Variants in MED13 observed in about 807,000 individuals in gnomAD.
MED13 encodes the protein mediator complex subunit 13.
In MED13, 23 loss-of-function variants were observed where a neutral mutation model predicts 225.2. The observed-to-expected ratio is 0.10, with a 90% confidence interval of 0.07 to 0.14. MED13 has a LOEUF of 0.14. MED13 is among the 10% of genes least tolerant of loss of function. The pLI is 1.00. For synonymous variants in MED13, 942 were observed against 889.2 expected, an observed-to-expected ratio of 1.06 and a Z score of -1.06; for missense variants, 2,197 against 2,594.5, an observed-to-expected ratio of 0.85 and a Z score of 3.33.
chr17:61,988,379 A>G (rs2143486716), intron 11 of MED13, among the ~76,000 whole-genome samples: 1 of 152,336 alleles, frequency 6.6e-6, no homozygotes, highest in South Asian at 2.1e-4. Context: ...ATATTCCTGC[A>G]CAAGAAAAAC....
intron 3 of MED13, among the ~76,000 whole-genome samples, chr17:62,049,078 C>CAAAAAAAAAAAAAAAAAAAAAAAAAA (rs890393330): frequency 3.5e-4 from 16 of 45,304 alleles, no homozygotes; most frequent in African/African-American, 9.6e-4. Flanking sequence ...GTAAATAAGA[C>CAAAAAAAAAAAAAAAAAAAAAAAAAA]AAAAAAAAAA....
chr17:62,048,398 CAAAAAAAAAAA>C (rs555420453), intron 3 of MED13, among the ~76,000 whole-genome samples: 27 of 68,090 alleles, frequency 4.0e-4, no homozygotes, highest in Admixed American at 1.5e-3. Flanking sequence ...GAGACTGTTT[CAAAAAAAAAAA>C]AAAAAAAAAA....
chr17:61,985,585 T>C (rs948753774), intron 12 of MED13, among the ~76,000 whole-genome samples: 1 of 152,100 alleles, frequency 6.6e-6, no homozygotes, highest in African/African-American at 2.4e-5. Flanking sequence ...GCACAAGAAT[T>C]GCTTGAGCCT....
At chr17:61,980,143 C>T (rs1320599677) in intron 16 of MED13, among the ~76,000 whole-genome samples, 1 of 152,088 alleles carries the variant, frequency 6.6e-6, no homozygotes, top group Non-Finnish European at 1.5e-5. Flanking sequence ...GGGCCGAGAT[C>T]ACGCCACTGC....
chr17:62,004,033 T>C (rs1603400607), intron 9 of MED13: 2 of 152,192 alleles, frequency 1.3e-5, no homozygotes, highest in East Asian at 3.8e-4. Context: ...ATGAATACAA[T>C]GTGCCCACAA....
rs61326861 is a variant in MED13 at position 61,955,855 on chromosome 17, TA to T, written c.5624-18del. 145,029 of 806,982 alleles carry T rather than the reference TA, an allele frequency of 0.18. 36 individuals are homozygous for T. Among genetic ancestry groups the T allele is most frequent in the Non-Finnish European group, 0.18 (127,286 of 690,132 alleles). 50.0% of individuals were successfully genotyped at this position (806,982 alleles called of 1,614,324 possible). A position where few individuals can be genotyped will look rare whatever the true frequency, so the allele number is the denominator to read the frequency against. The stretch of plus-strand genomic sequence containing the variant: ...AGCTCCAATCTGTGGGTATCAACAG[TA>T]AAAAAAAAAAAAAAAAAAAAAAAAA... On this transcript the variant is annotated intron_variant, in intron 24 of 29. Transcript: ENST00000397786.
At position 61,944,432 on chromosome 17, in the gene MED13, A is replaced by G. The variant is rs2079837855; in HGVS notation, c.*2036T>C. The G allele has an allele frequency of 6.6e-6, 1 of 150,822 alleles. No individual in the cohort carries two copies. The highest frequency in any genetic ancestry group is 6.6e-5 in the Admixed American group (1 of 15,096). The allele number at this position is 150,822 out of a possible 1,614,324, so 9.3% of individuals were successfully genotyped here. The stretch of plus-strand genomic sequence containing the variant: ...AACATACCAACATAATGTGTGGTGT[A>G]TTAGCATAATTTAAAAACAAATGCA... On this transcript the variant is annotated 3_prime_UTR_variant, in exon 30 of 30. Transcript: ENST00000397786.
At position 61,966,648 on chromosome 17, in the gene MED13, A is replaced by G; in HGVS notation, c.4195T>C (p.Cys1399Arg). The G allele has an allele frequency of 6.3e-7, 1 of 1,589,096 alleles. No homozygotes were observed. Among genetic ancestry groups the G allele is most frequent in the Non-Finnish European group, 8.5e-7 (1 of 1,170,288 alleles). ...FRDLTAIYES[C>R]RLGQHRPVSR... is the part of the protein sequence containing the mutation. ...ACAGGTCTATGTTGACCTAATCGAC[A>G]GGACTACAAATATACATACAGAAAG... Residue 1399 changes from cysteine to arginine, a missense_variant, in exon 19 of 30, where the codon TGT (cysteine) becomes CGT (arginine). Physicochemically the swap from Cys to Arg is radical, Grantham distance 180 (BLOSUM62 -3). Coordinates refer to ENST00000397786, the MANE Select transcript of MED13 (RefSeq NM_005121.3).
chr17:61,984,696 A>ACCG lies in MED13; in HGVS notation c.2645_2646insCGG (p.Ile882_Glu883insGly). The ACCG allele has an allele frequency of 6.2e-7, 1 of 1,613,774 alleles. No homozygotes were observed. The highest frequency in any genetic ancestry group is 8.5e-7 in the Non-Finnish European group (1 of 1,179,848). ...GGCTACAGAATCCCTCATCAACCTC[A>ACCG]ATTTTGAACTGCGCTCCTATACTAG... On this transcript the variant is annotated inframe_insertion, in exon 14 of 30. Coordinates refer to ENST00000397786, the MANE Select transcript of MED13 (RefSeq NM_005121.3).
At chr17:62,038,145 A>T (rs2080821819) in intron 3 of MED13, among the ~76,000 whole-genome samples, 1 of 152,092 alleles carries the variant, frequency 6.6e-6, no homozygotes, top group Non-Finnish European at 1.5e-5. Flanking sequence ...CTGTTATCTC[A>T]GCACTTGGGA....
chr17:61,981,556 CA>C (rs1171974332), intron 16 of MED13, among the ~76,000 whole-genome samples: 1 of 152,160 alleles, frequency 6.6e-6, no homozygotes, highest in African/African-American at 2.4e-5. Context: ...CATGTAAAAG[CA>C]AAATACTCCC....
At chr17:62,014,438 T>G (rs1400689809) in intron 8 of MED13, among the ~76,000 whole-genome samples, 4 of 151,980 alleles carry the variant, frequency 2.6e-5, no homozygotes, top group African/African-American at 9.7e-5. Context: ...CACCTCAGCC[T>G]CCCAAGTAGC....
intron 8 of MED13, among the ~76,000 whole-genome samples, chr17:62,012,080 G>T (rs1415715118): frequency 1.3e-5 from 2 of 151,618 alleles, no homozygotes; most frequent in African/African-American, 2.4e-5. Context: ...GCCAGGTGTG[G>T]TGGCACGCGC....
chr17:61,958,484 G>A (rs937938210), intron 23 of MED13, among the ~76,000 whole-genome samples: 4 of 151,844 alleles, frequency 2.6e-5, no homozygotes, highest in East Asian at 1.9e-4. Flanking sequence ...GACTACAGGC[G>A]TGTACGACCA....
intron 2 of MED13, 40 bp from the exon 3 acceptor site, chr17:62,052,745 ATAATC>A (rs772103342): frequency 3.8e-5 from 56 of 1,477,456 alleles, no homozygotes; most frequent in Non-Finnish European, 5.0e-5. Context: ...TAGTGACACT[ATAATC>A]TATTCAGAGC....
At chr17:61,955,879 AAATC>A in intron 24 of MED13, 41 bp from the exon 25 acceptor site, 1 of 1,470,478 alleles carries the variant, frequency 6.8e-7, no homozygotes, top group Non-Finnish European at 9.0e-7. Flanking sequence ...AAAAAAAAAA[AAATC>A]AAAGTAACAG....
chr17:61,956,264 A>G (rs2143313999), intron 24 of MED13, 75 bp downstream of exon 24: 1 of 1,410,362 alleles, frequency 7.1e-7, no homozygotes, highest in South Asian at 1.4e-5. Flanking sequence ...CAACATATAT[A>G]CCTAGACGTG....
chr17:61,985,040 C>A lies in MED13; in HGVS notation c.2436G>T (p.Lys812Asn). 6.2e-7 allele frequency: 1 copy of A among 1,613,954 alleles called. No individual in the cohort carries two copies. The highest frequency in any genetic ancestry group is 8.5e-7 in the Non-Finnish European group (1 of 1,179,960). Residue 812 changes from lysine to asparagine, a missense_variant, in exon 13 of 30, where the codon AAG (lysine) becomes AAT (asparagine). Lys to Asn is a moderately conservative substitution (Grantham distance 94, BLOSUM62 0). Around this residue, in one of 12 missense-constraint regions of MED13, gnomAD observed 41 missense variants for 55.8 expected, o/e 0.73. Transcript: ENST00000397786. Reference protein sequence around the residue: ...ANGSDDKASCKESKTGNLDPL... With the variant: ...ANGSDDKASCNESKTGNLDPL... ...GGTCCAGATTTCCTGTCTTTGATTCCTTGCAGCTGGCTTTATCATCTGATC... is the reference window on the plus strand; with the variant it reads ...GGTCCAGATTTCCTGTCTTTGATTCATTGCAGCTGGCTTTATCATCTGATC...
chr17:62,019,052 T>C (rs1603403405), intron 8 of MED13, among the ~76,000 whole-genome samples: 1 of 152,224 alleles, frequency 6.6e-6, no homozygotes, highest in East Asian at 1.9e-4. Flanking sequence ...ATTTTTGGTG[T>C]AGTATCAAAG....
Sources: gnomAD v4.1 joint callset for allele counts (sites outside exome capture counted in the v4.1 genomes callset) on GRCh38, gnomAD v4.1.1 for gene constraint, gnomAD v4.1.1 regional missense constraint, MANE v1.5 for transcripts, NCBI Gene and HGNC (gene_info 2026-07-23, HGNC 2026-07-21) for gene names.